Variants in CAMK1D observed in about 807,000 individuals in gnomAD.
CAMK1D encodes the protein calcium/calmodulin-dependent protein kinase type 1D.
A neutral mutation model predicts 47.7 loss-of-function variants in CAMK1D; 9 were observed. The observed-to-expected ratio is 0.19, with a 90% CI of 0.11 to 0.33. CAMK1D has a LOEUF of 0.33. Among genes scored for constraint, CAMK1D ranks in the 10% least tolerant of loss-of-function variants. The pLI is 1.00. For synonymous variants in CAMK1D, 184 were observed against 184.9 expected (o/e 0.99, Z 0.04); for missense variants, 291 against 488.7 (o/e 0.60, Z 3.81).
At chr10:12,469,134 T>C (rs898815324) in intron 1 of CAMK1D, among the ~76,000 whole-genome samples, 2 of 152,000 alleles carry the variant, frequency 1.3e-5, no homozygotes, top group Non-Finnish European at 1.5e-5. Context: ...GGCGGTGCTG[T>C]GTAGGGCAAG....
chr10:12,743,298 G>C (rs1564530022), intron 3 of CAMK1D, among the ~76,000 whole-genome samples: 2 of 148,482 alleles, frequency 1.3e-5, no homozygotes, highest in Admixed American at 1.4e-4. Context: ...AGTGAGCCAA[G>C]ATTGTGCCAC....
intron 1 of CAMK1D, among the ~76,000 whole-genome samples, chr10:12,551,842 C>T (rs78668459): frequency 0.11 from 17,270 of 152,254 alleles, 1,061 homozygotes; most frequent in African/African-American, 0.16. Context: ...TGAAGCTGGT[C>T]CCTGATGCCA....
intron 3 of CAMK1D, among the ~76,000 whole-genome samples, chr10:12,672,836 A>G: frequency 6.7e-6 from 1 of 148,918 alleles, no homozygotes; most frequent in Non-Finnish European, 1.5e-5. Context: ...TTTTTCCTTA[A>G]AATAGCTTTG....
At chr10:12,595,830 G>A (rs933050167) in intron 2 of CAMK1D, among the ~76,000 whole-genome samples, 20 of 152,136 alleles carry the variant, frequency 1.3e-4, no homozygotes, top group Non-Finnish European at 2.2e-4. Context: ...TTTGAACAAG[G>A]TGCCTGGCAT....
intron 2 of CAMK1D, among the ~76,000 whole-genome samples, chr10:12,640,783 C>T (rs748562454): frequency 6.6e-6 from 1 of 152,048 alleles, no homozygotes; most frequent in Non-Finnish European, 1.5e-5. Context: ...CCTGCCTCAG[C>T]CTTTACCCCA....
intron 1 of CAMK1D, among the ~76,000 whole-genome samples, chr10:12,391,107 T>G (rs1050737330): frequency 1.3e-5 from 2 of 152,150 alleles, no homozygotes; most frequent in Non-Finnish European, 2.9e-5. Context: ...CAGGCCATGA[T>G]ACGTTGGTAT....
rs1833359368 is a variant in CAMK1D at position 12,828,921 on chromosome 10, GGGGAAGGGGAGCCCCAGGGTCGCCA to G, written c.*36_*60del. 6.7e-7 allele frequency: 1 copy of G among 1,494,556 alleles called. No individual in the cohort carries two copies. The highest frequency in any genetic ancestry group is 9.0e-7 in the Non-Finnish European group (1 of 1,109,286). The allele number at this position is 1,494,556 out of a possible 1,614,324, so 92.6% of individuals were successfully genotyped here. On this transcript the variant is annotated 3_prime_UTR_variant, in exon 11 of 11. Coordinates refer to ENST00000619168, the MANE Select transcript of CAMK1D (RefSeq NM_153498.4). ...GGAGGTGGGGCCCGGGGTCGGGGCT[GGGGAAGGGGAGCCCCAGGGTCGCCA>G]GAGCCGCGAGCCACTCCAGCGAGAC...
intron 3 of CAMK1D, among the ~76,000 whole-genome samples, chr10:12,753,785 G>T (rs1247875173): frequency 6.6e-6 from 1 of 152,216 alleles, no homozygotes; most frequent in Non-Finnish European, 1.5e-5. Flanking sequence ...GTGAGTTCTG[G>T]CTGCTTTCAC....
intron 1 of CAMK1D, among the ~76,000 whole-genome samples, chr10:12,410,413 ACAGTTCG>A (rs1434175007): frequency 5.9e-5 from 9 of 152,136 alleles, no homozygotes; most frequent in African/African-American, 2.2e-4. Context: ...GGGCCTTAGA[ACAGTTCG>A]CCCCCTACCT....
chr10:12,813,553 G>A (rs553234710), intron 6 of CAMK1D, among the ~76,000 whole-genome samples: 6 of 152,210 alleles, frequency 3.9e-5, no homozygotes, highest in South Asian at 4.1e-4. Context: ...TTTTTAGGGC[G>A]TGTGGGATTC....
At chr10:12,709,234 C>A (rs1833843821) in intron 3 of CAMK1D, among the ~76,000 whole-genome samples, 1 of 152,114 alleles carries the variant, frequency 6.6e-6, no homozygotes, top group African/African-American at 2.4e-5. Flanking sequence ...AACAAAAAGG[C>A]CTTGTGGGCT....
At chr10:12,815,510 A>G (rs1248756503) in intron 7 of CAMK1D, among the ~76,000 whole-genome samples, 4 of 152,236 alleles carry the variant, frequency 2.6e-5, no homozygotes, top group Non-Finnish European at 4.4e-5. Context: ...CCACATGGGA[A>G]GTATTTTCCT....
chr10:12,477,994 CT>C (rs67181832), intron 1 of CAMK1D, among the ~76,000 whole-genome samples: 18,118 of 149,944 alleles, frequency 0.12, 1,389 homozygotes, highest in Non-Finnish European at 0.18. Flanking sequence ...ATCACCTTTT[CT>C]TTTTTTCTTT....
At chr10:12,819,818 T>G (rs1588966907) in intron 8 of CAMK1D, among the ~76,000 whole-genome samples, 1 of 151,646 alleles carries the variant, frequency 6.6e-6, no homozygotes, top group Non-Finnish European at 1.5e-5. Context: ...CAGAGGAGGG[T>G]GACAGTGGCC....
rs1274776963 is a variant in CAMK1D at position 12,833,992 on chromosome 10, G to A, written c.*5105G>A. ...CCCTTTTGAGGGGCACCTGGTCCTC[G>A]GTTGGGGCTGCAGGTGTGCCTGACA... On this transcript the variant is annotated 3_prime_UTR_variant, in exon 11 of 11. Transcript: ENST00000619168. The A allele has an allele frequency of 2.6e-5, 4 of 151,736 alleles. No individual in the cohort carries two copies. The highest frequency in any genetic ancestry group is 4.8e-5 in the African/African-American group (2 of 41,282). 9.4% of individuals were successfully genotyped at this position (151,736 alleles called of 1,614,324 possible).
intron 1 of CAMK1D, among the ~76,000 whole-genome samples, chr10:12,480,237 G>A (rs1834023274): frequency 6.6e-6 from 1 of 152,098 alleles, no homozygotes; most frequent in Non-Finnish European, 1.5e-5. Context: ...TCAGGAGTTC[G>A]AGACCAGCCT....
intron 1 of CAMK1D, among the ~76,000 whole-genome samples, chr10:12,416,384 CTT>C (rs1437565441): frequency 6.6e-6 from 1 of 152,152 alleles, no homozygotes; most frequent in African/African-American, 2.4e-5. Context: ...GTATGTAAAA[CTT>C]TGCTTGTTTT....
At chr10:12,589,844 C>A (rs896011901) in intron 2 of CAMK1D, among the ~76,000 whole-genome samples, 1 of 152,166 alleles carries the variant, frequency 6.6e-6, no homozygotes. Context: ...TTTTTCTGAT[C>A]AGAACATCTT....
At chr10:12,579,221 G>A (rs1182020436) in intron 2 of CAMK1D, among the ~76,000 whole-genome samples, 1 of 152,184 alleles carries the variant, frequency 6.6e-6, no homozygotes, top group Non-Finnish European at 1.5e-5. Context: ...CAGGATGAGG[G>A]GAGCATTCCT....
Sources: allele counts gnomAD v4.1 joint callset (sites outside exome capture counted in the v4.1 genomes callset), GRCh38; gene constraint gnomAD v4.1.1; transcripts MANE v1.5; gene names NCBI Gene and HGNC (gene_info 2026-07-23, HGNC 2026-07-21).